UEVLD: variants seen among roughly 807,000 people sequenced by gnomAD.
The protein encoded by UEVLD is UEV and lactate/malate dehyrogenase domains, also known as ubiquitin-conjugating enzyme E2 variant 3.
UEVLD carries 47 observed loss-of-function variants against 58.6 expected under a neutral mutation model. That is an observed-to-expected ratio of 0.80 (90% CI 0.63 to 1.02). The LOEUF (loss-of-function observed/expected upper bound fraction) is 1.02, where lower values mean the gene tolerates loss of function less well. Ranked by LOEUF, UEVLD falls within the 50% of genes least tolerant of loss-of-function variation. The pLI is 0.00. For synonymous variants in UEVLD, 197 were observed against 195.3 expected (o/e 1.01, Z -0.07); for missense variants, 510 against 550.6 (o/e 0.93, Z 0.74).
At position 18,565,027 on chromosome 11, in the gene UEVLD, A is replaced by G; in HGVS notation, c.494-17T>C. Reference sequence around the variant, plus strand: ...CTGAAACACCTAGAAAGAAAGGTGAATTATCCTGAGAATTCAAAAATATCA... The same window carrying G: ...CTGAAACACCTAGAAAGAAAGGTGAGTTATCCTGAGAATTCAAAAATATCA... On this transcript the variant is annotated splice_polypyrimidine_tract_variant and intron_variant, in intron 5 of 11. Coordinates refer to ENST00000396197, the MANE Select transcript of UEVLD (RefSeq NM_001040697.4). 2.6e-6 allele frequency: 4 copies of G among 1,561,816 alleles called. No individual in the cohort carries two copies. Among genetic ancestry groups the G allele is most frequent in the Non-Finnish European group, 2.6e-6 (3 of 1,137,502 alleles).
chr11:18,549,236 A>G (rs1851426266), intron 7 of UEVLD, among the ~76,000 whole-genome samples: 1 of 152,202 alleles, frequency 6.6e-6, no homozygotes, highest in African/African-American at 2.4e-5. Flanking sequence ...GGATGAGGAA[A>G]CTGTTATGTG....
Position 18,529,950 on chromosome 11 carries a change from CTATTAT to C in UEVLD, c.*2364_*2369del. The C allele has an allele frequency of 6.6e-6, 1 of 152,136 alleles. No individual in the cohort carries two copies. Among genetic ancestry groups the C allele is most frequent in the Non-Finnish European group, 1.5e-5 (1 of 68,002 alleles). The allele number at this position is 152,136 out of a possible 1,614,324, so 9.4% of individuals were successfully genotyped here. A position where few individuals can be genotyped will look rare whatever the true frequency, so the allele number is the denominator to read the frequency against. On this transcript the variant is annotated 3_prime_UTR_variant, in exon 12 of 12. Coordinates refer to ENST00000396197, the MANE Select transcript of UEVLD (RefSeq NM_001040697.4). ...ATTGTGGCCTTCCAGAGGGCAAAGA[CTATTAT>C]TCATCTTCGAATAGTCAAATTCTAA...
At chr11:18,544,369 T>C (rs1392935046) in intron 9 of UEVLD, among the ~76,000 whole-genome samples, 3 of 152,196 alleles carry the variant, frequency 2.0e-5, no homozygotes, top group South Asian at 2.1e-4. Context: ...AATGCAGTGC[T>C]GCGATCATGG....
Position 18,544,809 on chromosome 11 carries a change from T to C in UEVLD, c.887-13A>G, listed in dbSNP as rs1290675797. The C allele has an allele frequency of 2.0e-6, 3 of 1,510,264 alleles. No individual in the cohort carries two copies. The highest frequency in any genetic ancestry group is 1.5e-5 in the African/African-American group (1 of 68,774). The allele number at this position is 1,510,264 out of a possible 1,614,324, so 93.6% of individuals were successfully genotyped here. On this transcript the variant is annotated splice_polypyrimidine_tract_variant and intron_variant, in intron 8 of 11. Coordinates refer to ENST00000396197, the MANE Select transcript of UEVLD (RefSeq NM_001040697.4). ...GTCATGATTTCCACTAAATATTGCA[T>C]ACAAGGTAAAAAATGTAAAGGTTAA...
intron 7 of UEVLD, among the ~76,000 whole-genome samples, chr11:18,555,069 G>A (rs866653729): frequency 1.3e-5 from 2 of 151,830 alleles, no homozygotes; most frequent in Non-Finnish European, 2.9e-5. Flanking sequence ...GAGAGAGAAC[G>A]GCTTGAATCC....
At chr11:18,576,471 A>G (rs1004689117) in intron 2 of UEVLD, among the ~76,000 whole-genome samples, 2 of 152,136 alleles carry the variant, frequency 1.3e-5, no homozygotes, top group Non-Finnish European at 2.9e-5. Flanking sequence ...GGTTGCAGTG[A>G]GCCAAGATCA....
intron 7 of UEVLD, among the ~76,000 whole-genome samples, chr11:18,553,116 T>C (rs967410953): frequency 1.2e-4 from 17 of 141,562 alleles, no homozygotes; most frequent in East Asian, 4.3e-4. Context: ...GATAGCGCCA[T>C]TGCACTCCAG....
intron 1 of UEVLD, 41 bp from the exon 2 acceptor site, chr11:18,578,849 T>C (rs1853079627): frequency 1.4e-6 from 2 of 1,433,966 alleles, no homozygotes; most frequent in Non-Finnish European, 1.9e-6. Context: ...AATAAAGCTG[T>C]AAGCAAAAGA....
intron 10 of UEVLD, among the ~76,000 whole-genome samples, chr11:18,534,768 A>G (rs895780498): frequency 6.6e-6 from 1 of 152,232 alleles, no homozygotes; most frequent in African/African-American, 2.4e-5. Context: ...AAAAAGACTG[A>G]TAACTAATTT....
At chr11:18,559,278 A>G (rs1186533218) in intron 6 of UEVLD, among the ~76,000 whole-genome samples, 1 of 151,822 alleles carries the variant, frequency 6.6e-6, no homozygotes, top group Non-Finnish European at 1.5e-5. Context: ...AGCTCACTGC[A>G]ACCTCCACCT....
chr11:18,577,591 C>G (rs879388240), intron 2 of UEVLD, among the ~76,000 whole-genome samples: 3 of 152,172 alleles, frequency 2.0e-5, no homozygotes, highest in Non-Finnish European at 1.5e-5. Context: ...AGCCCATGGT[C>G]GGGCACAGTG....
intron 7 of UEVLD, among the ~76,000 whole-genome samples, chr11:18,554,925 C>T (rs1421334147): frequency 1.3e-5 from 2 of 152,090 alleles, no homozygotes; most frequent in Non-Finnish European, 2.9e-5. Flanking sequence ...TTTAATTCCC[C>T]GAATTATTGA....
At chr11:18,566,045 C>T (rs1370749075) in intron 5 of UEVLD, among the ~76,000 whole-genome samples, 2 of 151,310 alleles carry the variant, frequency 1.3e-5, no homozygotes, top group Admixed American at 1.3e-4. Flanking sequence ...ATTACAGGCA[C>T]CTGCCACCAC....
intron 1 of UEVLD, among the ~76,000 whole-genome samples, chr11:18,581,351 G>C (rs1460564331): frequency 6.6e-6 from 1 of 151,960 alleles, no homozygotes; most frequent in Non-Finnish European, 1.5e-5. Flanking sequence ...TGGAGAAGCT[G>C]AATCTACATT....
intron 2 of UEVLD, among the ~76,000 whole-genome samples, chr11:18,577,409 A>G (rs1012903190): frequency 5.3e-5 from 8 of 152,314 alleles, no homozygotes; most frequent in Admixed American, 2.6e-4. Context: ...TTCAACATTC[A>G]TATCTCTGAA....
intron 7 of UEVLD, among the ~76,000 whole-genome samples, chr11:18,551,155 G>A (rs928636541): frequency 1.3e-5 from 2 of 152,104 alleles, no homozygotes; most frequent in East Asian, 1.9e-4. Context: ...TAGGCCGGGT[G>A]CAGTGGCTCA....
chr11:18,570,800 T>C (rs559747884), intron 3 of UEVLD: 1 of 143,342 alleles, frequency 7.0e-6, no homozygotes, highest in African/African-American at 2.6e-5. Flanking sequence ...GGTTTACATA[T>C]AAAGGATTAA....
chr11:18,547,113 G>A lies in UEVLD; in HGVS notation c.716-63C>T, dbSNP rs1257962801. 1.5e-5 allele frequency: 23 copies of A among 1,518,370 alleles called. No individual in the cohort carries two copies. In the African/African-American group the frequency reaches 1.7e-4, roughly 11 times the overall value. The allele number at this position is 1,518,370 out of a possible 1,614,324, so 94.1% of individuals were successfully genotyped here. ...AGGCTTTAATCAAGTTCTAGTTCAC[G>A]ATTAAAAGGTTGTTCTTTTCAACAA... On this transcript the variant is annotated intron_variant, in intron 7 of 11. Coordinates refer to ENST00000396197, the MANE Select transcript of UEVLD (RefSeq NM_001040697.4).
At chr11:18,557,473 G>C (rs1183663581) in intron 7 of UEVLD, among the ~76,000 whole-genome samples, 1 of 151,852 alleles carries the variant, frequency 6.6e-6, no homozygotes, top group East Asian at 1.9e-4. Flanking sequence ...TATTGACACA[G>C]AAAATCTTTT....
Sources: allele counts gnomAD v4.1 joint callset (sites outside exome capture counted in the v4.1 genomes callset), GRCh38; gene constraint gnomAD v4.1.1; transcripts MANE v1.5; gene names NCBI Gene and HGNC (gene_info 2026-07-23, HGNC 2026-07-21).